LRRC4C: variants seen among roughly 807,000 people sequenced by gnomAD.
The protein encoded by LRRC4C is leucine rich repeat containing 4C.
Under a neutral mutation model 33.6 loss-of-function variants are expected in LRRC4C, and 5 were observed. The observed-to-expected ratio is 0.15, with a 90% CI of 0.08 to 0.31. The LOEUF (loss-of-function observed/expected upper bound fraction) is 0.31, where lower values mean the gene tolerates loss of function less well. Ranked by LOEUF, LRRC4C falls within the 10% of genes least tolerant of loss-of-function variation. The probability of loss-of-function intolerance (pLI) is 1.00; values close to 1 mark genes in which losing one functional copy is unlikely to be tolerated. For missense variants in LRRC4C, 560 were observed against 796.7 expected, an observed-to-expected ratio of 0.70 and a Z score of 3.58; for synonymous variants, 329 against 302.0, an observed-to-expected ratio of 1.09 and a Z score of -0.93.
intron 3 of LRRC4C, among the ~76,000 whole-genome samples, chr11:40,464,380 G>A (rs945804095): frequency 6.6e-6 from 1 of 151,822 alleles, no homozygotes; most frequent in Non-Finnish European, 1.5e-5. Flanking sequence ...TACTGCATGA[G>A]GAAAAATTGA....
chr11:41,012,909 C>T (rs1182165173), intron 1 of LRRC4C, among the ~76,000 whole-genome samples: 1 of 152,106 alleles, frequency 6.6e-6, no homozygotes, highest in African/African-American at 2.4e-5. Flanking sequence ...TCTATTCAGA[C>T]CTTTTGCCCA....
intron 1 of LRRC4C, among the ~76,000 whole-genome samples, chr11:41,091,414 T>C (rs999319373): frequency 1.3e-5 from 2 of 151,912 alleles, no homozygotes; most frequent in African/African-American, 4.8e-5. Context: ...AATAATTAAA[T>C]AATTATCCTA....
chr11:40,136,497 C>G (rs1042040604), intron 6 of LRRC4C, among the ~76,000 whole-genome samples: 1 of 150,282 alleles, frequency 6.7e-6, no homozygotes, highest in Non-Finnish European at 1.5e-5. Context: ...AGGAGGGTCT[C>G]GATCTCCTGA....
chr11:41,203,295 A>G (rs150916493), intron 1 of LRRC4C, among the ~76,000 whole-genome samples: 1 of 152,214 alleles, frequency 6.6e-6, no homozygotes, highest in East Asian at 1.9e-4. Context: ...TCTAGACCAT[A>G]CTGAATATAA....
At chr11:40,635,937 C>T (rs1048964247) in intron 3 of LRRC4C, among the ~76,000 whole-genome samples, 1 of 151,916 alleles carries the variant, frequency 6.6e-6, no homozygotes, top group African/African-American at 2.4e-5. Flanking sequence ...CTGCGCCCGG[C>T]CAGAAGAGCC....
intron 1 of LRRC4C, among the ~76,000 whole-genome samples, chr11:41,432,560 TA>T (rs1422899964): frequency 6.6e-6 from 1 of 152,100 alleles, no homozygotes; most frequent in Non-Finnish European, 1.5e-5. Flanking sequence ...ACAAGTGGTT[TA>T]GGGGCTATTT....
intron 1 of LRRC4C, among the ~76,000 whole-genome samples, chr11:41,371,535 G>GAAGAC (rs1444330837): frequency 2.0e-5 from 3 of 152,164 alleles, no homozygotes; most frequent in African/African-American, 7.2e-5. Context: ...TAAACTGGAA[G>GAAGAC]AAGACAACCT....
chr11:40,852,442 T>A (rs1295326169), intron 2 of LRRC4C, among the ~76,000 whole-genome samples: 1 of 152,120 alleles, frequency 6.6e-6, no homozygotes, highest in East Asian at 1.9e-4. Flanking sequence ...ATTACTAAAT[T>A]AAAAGTTAAA....
At chr11:41,406,941 T>TA (rs1352924483) in intron 1 of LRRC4C, among the ~76,000 whole-genome samples, 4 of 152,000 alleles carry the variant, frequency 2.6e-5, no homozygotes, top group African/African-American at 9.6e-5. Flanking sequence ...TGGTGGCATG[T>TA]AAAAAAAATT....
intron 2 of LRRC4C, among the ~76,000 whole-genome samples, chr11:40,800,123 A>G (rs1467512289): frequency 6.6e-6 from 1 of 152,212 alleles, no homozygotes; most frequent in Non-Finnish European, 1.5e-5. Flanking sequence ...GTGTTTTCTC[A>G]ATTAATTTTG....
chr11:41,405,704 G>A (rs1954207165), intron 1 of LRRC4C, among the ~76,000 whole-genome samples: 1 of 152,046 alleles, frequency 6.6e-6, no homozygotes, highest in Non-Finnish European at 1.5e-5. Context: ...ACAAGAAAAA[G>A]GAAGAATCTA....
intron 3 of LRRC4C, among the ~76,000 whole-genome samples, chr11:40,381,153 C>G (rs1948849683): frequency 6.8e-6 from 1 of 148,014 alleles, no homozygotes; most frequent in Non-Finnish European, 1.5e-5. Context: ...TCGACCTAGA[C>G]AAAGAATTAG....
chr11:40,665,907 A>T (rs1264433402), intron 2 of LRRC4C, among the ~76,000 whole-genome samples: 1 of 152,110 alleles, frequency 6.6e-6, no homozygotes, highest in Non-Finnish European at 1.5e-5. Flanking sequence ...TATGGCAGAA[A>T]ATGTTATTTA....
At chr11:40,227,471 A>G (rs926432285) in intron 5 of LRRC4C, among the ~76,000 whole-genome samples, 3 of 152,140 alleles carry the variant, frequency 2.0e-5, no homozygotes, top group Non-Finnish European at 2.9e-5. Flanking sequence ...ATCCCCCCGA[A>G]ATATTTATGT....
chr11:40,592,915 A>T (rs1209691898), intron 3 of LRRC4C, among the ~76,000 whole-genome samples: 1 of 152,242 alleles, frequency 6.6e-6, no homozygotes. Context: ...TTTGTGATAG[A>T]GGACTCAGTC....
At chr11:40,926,210 G>T (rs1034944875) in intron 2 of LRRC4C, among the ~76,000 whole-genome samples, 75 of 152,180 alleles carry the variant, frequency 4.9e-4, no homozygotes, top group Non-Finnish European at 1.8e-4. Context: ...TTTCCAGCAG[G>T]CAGCAATGCC....
At position 40,833,382 on chromosome 11, in the gene LRRC4C, A is replaced by C. The variant is rs186564291; in HGVS notation, c.-407+100253T>G. Among the ~76,000 whole-genome samples the C allele has an allele frequency of 7.5e-4, 115 of 152,324 alleles. 2 individuals are homozygous for C. ...CCAGTTGTCACATTTAGTTAAAAAA[A>C]GGTAAAATTAATTTCAAGTATATAT... On this transcript the variant is annotated intron_variant, in intron 2 of 6. Transcript: ENST00000528697.
At position 40,356,472 on chromosome 11, in the gene LRRC4C, G is replaced by A. The variant is rs1320383895; in HGVS notation, c.-269-36751C>T. Among the ~76,000 whole-genome samples the A allele has an allele frequency of 2.0e-5, 3 of 152,160 alleles. No homozygotes were observed. In the East Asian group the frequency reaches 5.8e-4, roughly 29 times the overall value. ...TTATTGCTATTCCTATTTCAAGGTA[G>A]GTTAGAGAGGTAGAAGGAACTTCAA... On this transcript the variant is annotated intron_variant, in intron 3 of 6. Transcript: ENST00000528697.
chr11:41,080,644 T>A (rs1264739161), intron 1 of LRRC4C, among the ~76,000 whole-genome samples: 2 of 152,116 alleles, frequency 1.3e-5, no homozygotes, highest in Non-Finnish European at 2.9e-5. Context: ...TGAGCCACCA[T>A]CCCTGGCCTA....
Sources: allele counts gnomAD v4.1 joint callset (sites outside exome capture counted in the v4.1 genomes callset), GRCh38; gene constraint gnomAD v4.1.1; transcripts MANE v1.5; gene names NCBI Gene and HGNC (gene_info 2026-07-23, HGNC 2026-07-21).